EPHB1: variants seen among roughly 807,000 people sequenced by gnomAD.
EPHB1 encodes ephrin type-B receptor 1.
Under a neutral mutation model 94.4 loss-of-function variants are expected in EPHB1, and 30 were observed. The observed-to-expected ratio is 0.32, with a 90% CI of 0.24 to 0.43. EPHB1 has a LOEUF of 0.43. Among genes scored for constraint, EPHB1 ranks in the 20% least tolerant of loss-of-function variants. EPHB1 has a pLI of 1.00. For synonymous variants in EPHB1, 522 were observed against 489.1 expected (o/e 1.07, Z -0.89); for missense variants, 1,055 against 1,308.3 (o/e 0.81, Z 2.99).
intron 1 of EPHB1, among the ~76,000 whole-genome samples, chr3:134,911,751 G>A (rs1441919180): frequency 6.6e-6 from 1 of 152,158 alleles, no homozygotes; most frequent in Non-Finnish European, 1.5e-5. Context: ...GCAGCCTTTG[G>A]AGCCTCAGCA....
intron 1 of EPHB1, among the ~76,000 whole-genome samples, chr3:134,918,220 C>T (rs1041303021): frequency 3.9e-5 from 6 of 152,206 alleles, no homozygotes; most frequent in African/African-American, 7.2e-5. Context: ...AGGACTAGGT[C>T]GAGTCTTTCA....
intron 3 of EPHB1, among the ~76,000 whole-genome samples, chr3:135,099,198 G>A (rs1004244291): frequency 6.6e-6 from 1 of 152,120 alleles, no homozygotes; most frequent in African/African-American, 2.4e-5. Context: ...CGTAGAATGT[G>A]TATGCCTATG....
At chr3:134,882,765 C>CTTTCTTTTTTCTTTCTTT (rs1553861895) in intron 1 of EPHB1, among the ~76,000 whole-genome samples, 3 of 79,882 alleles carry the variant, frequency 3.8e-5, no homozygotes, top group East Asian at 7.4e-4. Flanking sequence ...TTCCTTCCTT[C>CTTTCTTTTTTCTTTCTTT]CTTTCTTTCT....
intron 3 of EPHB1, among the ~76,000 whole-genome samples, chr3:134,994,165 T>C (rs1041521415): frequency 1.3e-5 from 2 of 152,246 alleles, no homozygotes; most frequent in African/African-American, 2.4e-5. Context: ...TGGGAAAGGA[T>C]GTTTATCATT....
chr3:134,859,393 G>A (rs2037195868), intron 1 of EPHB1, among the ~76,000 whole-genome samples: 1 of 152,172 alleles, frequency 6.6e-6, no homozygotes, highest in Non-Finnish European at 1.5e-5. Context: ...GTTAACTTGG[G>A]AGCAGAAAGA....
chr3:134,910,232 C>T (rs1578189496), intron 1 of EPHB1, among the ~76,000 whole-genome samples: 1 of 152,162 alleles, frequency 6.6e-6, no homozygotes, highest in East Asian at 1.9e-4. Flanking sequence ...CCCAGGACCC[C>T]TCCTTGCCCT....
chr3:135,183,016 T>TTTTGC (rs1942203824), intron 10 of EPHB1, among the ~76,000 whole-genome samples: 2 of 74,520 alleles, frequency 2.7e-5, no homozygotes, highest in Non-Finnish European at 6.9e-5. Context: ...TTTTCTTTTC[T>TTTTGC]TTTCTTTTCT....
chr3:135,084,435 C>T (rs1257234256), intron 3 of EPHB1, among the ~76,000 whole-genome samples: 3 of 152,218 alleles, frequency 2.0e-5, no homozygotes, highest in Non-Finnish European at 4.4e-5. Flanking sequence ...GCATGAGAAG[C>T]TCCTTGTGGC....
At chr3:135,153,658 T>C (rs373057308) in intron 5 of EPHB1, among the ~76,000 whole-genome samples, 34 of 152,342 alleles carry the variant, frequency 2.2e-4, no homozygotes, top group African/African-American at 7.5e-4. Flanking sequence ...CAGGAATAGA[T>C]GTTTGCTAGA....
intron 15 of EPHB1, among the ~76,000 whole-genome samples, chr3:135,251,140 A>T (rs1392960539): frequency 6.6e-6 from 1 of 152,088 alleles, no homozygotes; most frequent in Non-Finnish European, 1.5e-5. Flanking sequence ...ACTGAACATC[A>T]GAATACATTT....
chr3:135,081,624 C>T (rs577667233), intron 3 of EPHB1, among the ~76,000 whole-genome samples: 3 of 152,274 alleles, frequency 2.0e-5, no homozygotes. Context: ...GCTCTCTTCA[C>T]CTCCTGTGTC....
chr3:134,897,960 C>G (rs996568051), intron 1 of EPHB1, among the ~76,000 whole-genome samples: 1 of 152,198 alleles, frequency 6.6e-6, no homozygotes, highest in Admixed American at 6.5e-5. Context: ...GTAGCACCCC[C>G]CTGTGTTTCA....
intron 1 of EPHB1, among the ~76,000 whole-genome samples, chr3:134,821,033 A>C (rs996487825): frequency 1.3e-5 from 2 of 152,226 alleles, no homozygotes; most frequent in Non-Finnish European, 2.9e-5. Flanking sequence ...GGGCCTGAGA[A>C]TCATGAGTGC....
chr3:134,919,842 G>T (rs1035521275), intron 1 of EPHB1, among the ~76,000 whole-genome samples: 4 of 76,294 alleles, frequency 5.2e-5, no homozygotes, highest in African/African-American at 1.9e-4. Context: ...TAGGGCAGGG[G>T]TGTGTGTGTG....
intron 3 of EPHB1, among the ~76,000 whole-genome samples, chr3:135,091,510 T>C (rs568666433): frequency 3.3e-5 from 5 of 152,186 alleles, no homozygotes; most frequent in African/African-American, 4.8e-5. Flanking sequence ...ACGGCAGGCA[T>C]GGAGAGGTAG....
intron 13 of EPHB1, 33 bp from the exon 14 acceptor site, chr3:135,248,283 T>G: frequency 6.7e-7 from 1 of 1,498,346 alleles, no homozygotes; most frequent in Non-Finnish European, 9.0e-7. Context: ...TGGCAGTCAC[T>G]CAATCACACC....
intron 11 of EPHB1, among the ~76,000 whole-genome samples, 191 bp downstream of exon 11, chr3:135,193,014 G>A (rs1295984393): frequency 6.6e-6 from 1 of 152,184 alleles, no homozygotes; most frequent in Non-Finnish European, 1.5e-5. Context: ...CTCAGGAGGA[G>A]GATGGCATGG....
chr3:134,954,899 G>A (rs1015087991), intron 3 of EPHB1, among the ~76,000 whole-genome samples: 25 of 152,046 alleles, frequency 1.6e-4, no homozygotes, highest in Non-Finnish European at 3.5e-4. Context: ...AGCAAAGAGT[G>A]GTCCTGGCCT....
intron 1 of EPHB1, 83 bp from the exon 2 acceptor site, chr3:134,925,733 A>G: frequency 8.5e-7 from 1 of 1,182,054 alleles, no homozygotes; most frequent in Non-Finnish European, 1.2e-6. Context: ...ATCACAAACA[A>G]CTTCGTGACC....
Sources: allele counts gnomAD v4.1 joint callset (sites outside exome capture counted in the v4.1 genomes callset), GRCh38; gene constraint gnomAD v4.1.1; transcripts MANE v1.5; gene names NCBI Gene and HGNC (gene_info 2026-07-23, HGNC 2026-07-21).